The following ZNF536 variants were observed in gnomAD, a reference collection of about 807,000 sequenced individuals.
The protein encoded by ZNF536 is zinc finger protein 536.
In ZNF536, 13 loss-of-function variants were observed where a neutral mutation model predicts 84.5. The ratio of observed to expected loss-of-function variants is 0.15; its 90% CI spans 0.10 to 0.24. ZNF536 has a LOEUF of 0.24. Ranked by LOEUF, ZNF536 falls within the 10% of genes least tolerant of loss-of-function variation. The pLI is 1.00. For synonymous variants in ZNF536, 811 were observed against 742.5 expected (o/e 1.09, Z -1.50); for missense variants, 1,536 against 1,747.5 (o/e 0.88, Z 2.16).
chr19:30,470,468 T>C (rs1268759846), intron 2 of ZNF536, among the ~76,000 whole-genome samples: 1 of 121,958 alleles, frequency 8.2e-6, no homozygotes, highest in Non-Finnish European at 1.6e-5. Context: ...ACATTACATT[T>C]AGTTTTTTTT....
intron 1 of ZNF536, among the ~76,000 whole-genome samples, chr19:30,375,496 G>T (rs368196647): frequency 6.6e-6 from 1 of 152,286 alleles, no homozygotes; most frequent in South Asian, 2.1e-4. Flanking sequence ...GCCACACCGC[G>T]CACCCTACAC....
chr19:30,476,696 T>A (rs1164774264), intron 2 of ZNF536, among the ~76,000 whole-genome samples: 2 of 152,204 alleles, frequency 1.3e-5, no homozygotes, highest in Non-Finnish European at 2.9e-5. Flanking sequence ...GGAAATAGAC[T>A]GCTGGGCTTC....
At chr19:30,622,378 G>A (rs1054108169) in intron 1 of ZNF536, among the ~76,000 whole-genome samples, 5 of 152,234 alleles carry the variant, frequency 3.3e-5, no homozygotes, top group African/African-American at 1.2e-4. Flanking sequence ...GTTTTTGGGG[G>A]ACAGCCTAAT....
In ZNF536 at chr19:30,701,300, C is replaced by T. The variant is rs573197144; in HGVS notation, c.170-9457C>T. On this transcript the variant is annotated intron_variant, in intron 1 of 1. Transcript: ENST00000592773. ...ACGCATACAAACACAAACACACATA[C>T]ACAAACACACACAGACACACACAAA... Among the ~76,000 whole-genome samples, 3 of 151,704 alleles carry T rather than the reference C, an allele frequency of 2.0e-5. No individual in the cohort carries two copies. In the South Asian group the frequency reaches 6.2e-4, roughly 32 times the overall value.
chr19:30,344,660 G>A (rs981905016), intron 2 of ZNF536, among the ~76,000 whole-genome samples: 1 of 131,004 alleles, frequency 7.6e-6, no homozygotes, highest in Non-Finnish European at 1.6e-5. Context: ...TTGGGCTGGA[G>A]CAGAGCAGGC....
At chr19:30,674,318 G>A (rs1469573479) in intron 1 of ZNF536, among the ~76,000 whole-genome samples, 10 of 152,352 alleles carry the variant, frequency 6.6e-5, no homozygotes, top group South Asian at 6.2e-4. Context: ...CTGTGCCCAG[G>A]CTGCCCGGGG....
At chr19:30,579,559 C>T (rs56034726) in intron 1 of ZNF536, among the ~76,000 whole-genome samples, 41,155 of 152,024 alleles carry the variant, frequency 0.27, 5,867 homozygotes, top group East Asian at 0.42. Context: ...GGCACTTCTG[C>T]CCAATTCTGC....
intron 2 of ZNF536, among the ~76,000 whole-genome samples, chr19:30,508,592 G>A (rs1027083509): frequency 6.6e-6 from 1 of 152,048 alleles, no homozygotes; most frequent in Admixed American, 6.6e-5. Context: ...AGGGGGGCCA[G>A]GTGGAGCAGG....
At chr19:30,336,765 T>A (rs1700288871) in intron 2 of ZNF536, among the ~76,000 whole-genome samples, 1 of 152,154 alleles carries the variant, frequency 6.6e-6, no homozygotes, top group Non-Finnish European at 1.5e-5. Context: ...GCTGCAGAGT[T>A]CAGCTGTGAC....
chr19:30,642,116 T>G (rs2049288560), intron 1 of ZNF536, among the ~76,000 whole-genome samples: 1 of 152,232 alleles, frequency 6.6e-6, no homozygotes, highest in African/African-American at 2.4e-5. Flanking sequence ...AATCCTATTT[T>G]AGATGCATTG....
intron 2 of ZNF536, among the ~76,000 whole-genome samples, chr19:30,313,680 G>A (rs1202584430): frequency 6.6e-6 from 1 of 152,186 alleles, no homozygotes; most frequent in East Asian, 1.9e-4. Flanking sequence ...TCCCCACACT[G>A]CCCACCCCGA....
intron 2 of ZNF536, among the ~76,000 whole-genome samples, chr19:30,514,939 T>TG (rs1037482572): frequency 9.9e-5 from 15 of 152,096 alleles, no homozygotes; most frequent in African/African-American, 3.4e-4. Context: ...TTTTCTCATC[T>TG]GTACATTGGA....
intron 2 of ZNF536, among the ~76,000 whole-genome samples, chr19:30,514,312 C>A (rs888628729): frequency 6.6e-6 from 1 of 152,066 alleles, no homozygotes. Flanking sequence ...CTGTTTTCAC[C>A]CTGAGCCTCC....
In ZNF536 at chr19:30,511,403, C is replaced by A. The variant is rs1488519496; in HGVS notation, c.2171-23444C>A. ...AAAAAGCCTTCAGGTTCATGAATTC[C>A]TGATGAGGCAGAGACTAACAGTATA... On this transcript the variant is annotated intron_variant, in intron 2 of 4. Transcript: ENST00000355537. 2.0e-5 allele frequency among the ~76,000 whole-genome samples: 3 copies of A among 152,128 alleles called. No homozygotes were observed. The East Asian group carries it at 5.8e-4, about 29-fold the overall frequency.
intron 4 of ZNF536, among the ~76,000 whole-genome samples, chr19:30,551,174 C>T (rs977314373): frequency 2.0e-5 from 3 of 149,418 alleles, no homozygotes; most frequent in Admixed American, 1.3e-4. Flanking sequence ...CAACTACCTA[C>T]GTAGGACCAT....
intron 1 of ZNF536, among the ~76,000 whole-genome samples, chr19:30,413,491 G>C (rs1338891402): frequency 6.6e-6 from 1 of 152,056 alleles, no homozygotes; most frequent in Admixed American, 6.5e-5. Flanking sequence ...ACTTTATTCA[G>C]GTATTTTTGA....
intron 1 of ZNF536, among the ~76,000 whole-genome samples, chr19:30,277,681 ACT>A (rs1230918141): frequency 6.6e-6 from 1 of 152,130 alleles, no homozygotes; most frequent in Non-Finnish European, 1.5e-5. Context: ...CCACACACAC[ACT>A]CATACAGGTG....
At chr19:30,685,224 G>A (rs1456741586) in intron 1 of ZNF536, among the ~76,000 whole-genome samples, 4 of 152,192 alleles carry the variant, frequency 2.6e-5, no homozygotes, top group Admixed American at 2.0e-4. Context: ...TGCTCTGAGG[G>A]TGCGACTGCA....
intron 1 of ZNF536, among the ~76,000 whole-genome samples, chr19:30,696,282 C>T (rs2051654052): frequency 6.6e-6 from 1 of 152,260 alleles, no homozygotes; most frequent in African/African-American, 2.4e-5. Flanking sequence ...CCACCAGCCC[C>T]TCCGCTCCCG....
Sources: gnomAD v4.1 joint callset for allele counts (sites outside exome capture counted in the v4.1 genomes callset) on GRCh38, gnomAD v4.1.1 for gene constraint, MANE v1.5 for transcripts, NCBI Gene and HGNC (gene_info 2026-07-23, HGNC 2026-07-21) for gene names.